The following INVS variants were observed in gnomAD, a reference collection of about 807,000 sequenced individuals.
INVS encodes inversin.
In INVS, 86 loss-of-function variants were observed where a neutral mutation model predicts 108.8. The ratio of observed to expected loss-of-function variants is 0.79; its 90% confidence interval spans 0.66 to 0.95. The LOEUF is 0.95. Ranked by LOEUF, INVS falls within the 40% of genes least tolerant of loss-of-function variation. The pLI is 0.00. For missense variants in INVS, 1,169 were observed against 1,297.4 expected, an observed-to-expected ratio of 0.90 and a Z score of 1.52; for synonymous variants, 455 against 473.5, an observed-to-expected ratio of 0.96 and a Z score of 0.51.
intron 10 of INVS, among the ~76,000 whole-genome samples, chr9:100,260,084 C>G (rs1182607661): frequency 6.6e-6 from 1 of 151,582 alleles, no homozygotes; most frequent in African/African-American, 2.4e-5. Flanking sequence ...GTTGGCCAGG[C>G]TGGTCTCAAA....
At chr9:100,214,548 C>T (rs551762187) in intron 3 of INVS, among the ~76,000 whole-genome samples, 118 of 152,322 alleles carry the variant, frequency 7.7e-4, no homozygotes, top group Non-Finnish European at 1.4e-3. Context: ...CCATGCATGG[C>T]ATAATCCAAA....
chr9:100,257,119 A>T (rs1360432716), intron 10 of INVS, among the ~76,000 whole-genome samples: 1 of 152,172 alleles, frequency 6.6e-6, no homozygotes, highest in Non-Finnish European at 1.5e-5. Context: ...TATATTTAGG[A>T]TAGTTAGCTC....
intron 3 of INVS, among the ~76,000 whole-genome samples, chr9:100,145,899 T>A (rs897048912): frequency 6.6e-6 from 1 of 151,926 alleles, no homozygotes; most frequent in Non-Finnish European, 1.5e-5. Context: ...GGTACCAAGA[T>A]TGAAAGGAGA....
At chr9:100,205,848 A>G (rs888465482) in intron 3 of INVS, among the ~76,000 whole-genome samples, 26 of 152,180 alleles carry the variant, frequency 1.7e-4, no homozygotes, top group African/African-American at 6.3e-4. Flanking sequence ...AGGCACTACA[A>G]ATTCTCTATA....
At chr9:100,154,103 C>G (rs767378111) in intron 3 of INVS, among the ~76,000 whole-genome samples, 1 of 152,072 alleles carries the variant, frequency 6.6e-6, no homozygotes, top group Non-Finnish European at 1.5e-5. Context: ...AATGTATACA[C>G]AGGGTTATTT....
Position 100,149,274 on chromosome 9 carries a change from TC to T in INVS, c.273+22727del, listed in dbSNP as rs545532387. On this transcript the variant is annotated intron_variant, in intron 3 of 16. Transcript: ENST00000262457. The stretch of plus-strand genomic sequence containing the variant: ...ATGAGTTTTTGACTGTTGGTATGCT[TC>T]CAAAAGAAGGCACCAAAAGACATTT... Among the ~76,000 whole-genome samples the T allele has an allele frequency of 3.9e-5, 6 of 152,260 alleles. No individual in the cohort carries two copies. In the South Asian group the frequency reaches 1.2e-3, roughly 32 times the overall value.
intron 3 of INVS, among the ~76,000 whole-genome samples, chr9:100,156,818 C>A (rs1829002302): frequency 7.2e-6 from 1 of 139,006 alleles, no homozygotes; most frequent in African/African-American, 3.3e-5. Flanking sequence ...GATTTTTAAA[C>A]CAGATAAAAA....
chr9:100,252,472 CTT>C, intron 9 of INVS, 34 bp downstream of exon 9: 1 of 1,590,034 alleles, frequency 6.3e-7, no homozygotes, highest in Non-Finnish European at 8.6e-7. Context: ...ATAAGTCTCT[CTT>C]AACAGGTAGG....
chr9:100,257,024 T>C (rs1382024273), intron 10 of INVS, among the ~76,000 whole-genome samples: 1 of 152,206 alleles, frequency 6.6e-6, no homozygotes, highest in Non-Finnish European at 1.5e-5. Flanking sequence ...AAGCCTCCCA[T>C]GATTATTGTG....
At chr9:100,184,280 C>T (rs993828182) in intron 3 of INVS, among the ~76,000 whole-genome samples, 3 of 151,992 alleles carry the variant, frequency 2.0e-5, no homozygotes, top group Non-Finnish European at 4.4e-5. Flanking sequence ...GTTTAAAATG[C>T]CAGTGTTGGG....
intron 8 of INVS, among the ~76,000 whole-genome samples, chr9:100,250,599 C>T (rs977490972): frequency 1.1e-4 from 17 of 152,110 alleles, no homozygotes; most frequent in African/African-American, 3.6e-4. Flanking sequence ...TGTCAAATCC[C>T]GTAGCAAGTC....
intron 3 of INVS, among the ~76,000 whole-genome samples, chr9:100,223,118 C>CA (rs916200287): frequency 2.0e-5 from 3 of 150,092 alleles, no homozygotes; most frequent in African/African-American, 7.4e-5. Context: ...TTTTTTGAGA[C>CA]AGAGTCTCAC....
At chr9:100,191,061 A>T (rs553283103) in intron 3 of INVS, among the ~76,000 whole-genome samples, 17 of 151,956 alleles carry the variant, frequency 1.1e-4, no homozygotes, top group Non-Finnish European at 2.2e-4. Flanking sequence ...GGTTCTCTCT[A>T]TGTTGCCCAA....
intron 10 of INVS, among the ~76,000 whole-genome samples, chr9:100,255,577 A>G (rs976916456): frequency 8.5e-5 from 13 of 152,138 alleles, no homozygotes; most frequent in African/African-American, 3.1e-4. Flanking sequence ...TATTATTTTG[A>G]GATACGTCCC....
At chr9:100,169,072 AT>A (rs61356204) in intron 3 of INVS, among the ~76,000 whole-genome samples, 10 of 152,352 alleles carry the variant, frequency 6.6e-5, no homozygotes, top group African/African-American at 2.4e-4. Context: ...AAACTGATAG[AT>A]TAGTTAATAA....
intron 3 of INVS, among the ~76,000 whole-genome samples, chr9:100,168,932 A>G (rs1829450411): frequency 6.6e-6 from 1 of 152,226 alleles, no homozygotes; most frequent in Admixed American, 6.5e-5. Flanking sequence ...ATGCCAGAAG[A>G]TAAACCACTT....
At chr9:100,200,181 T>C (rs529414851) in intron 3 of INVS, among the ~76,000 whole-genome samples, 2 of 152,346 alleles carry the variant, frequency 1.3e-5, no homozygotes, top group East Asian at 3.9e-4. Flanking sequence ...TTCCCTCATT[T>C]GTTTGGTAAT....
At chr9:100,221,274 A>G (rs1831139863) in intron 3 of INVS, among the ~76,000 whole-genome samples, 1 of 151,224 alleles carries the variant, frequency 6.6e-6, no homozygotes, top group Non-Finnish European at 1.5e-5. Context: ...CCTTCTGCTC[A>G]TTCCCAAAGA....
chr9:100,271,855 T>C (rs912574223), intron 11 of INVS, among the ~76,000 whole-genome samples: 1 of 152,146 alleles, frequency 6.6e-6, no homozygotes, highest in Non-Finnish European at 1.5e-5. Context: ...GTCAATCTTC[T>C]TTTATGGTTT....
Sources: gnomAD v4.1 joint callset for allele counts (sites outside exome capture counted in the v4.1 genomes callset) on GRCh38, gnomAD v4.1.1 for gene constraint, MANE v1.5 for transcripts, NCBI Gene and HGNC (gene_info 2026-07-23, HGNC 2026-07-21) for gene names.